The following NXN variants were observed in gnomAD, a reference collection of about 807,000 sequenced individuals.
The protein encoded by NXN is nucleoredoxin 1.
NXN carries 16 observed loss-of-function variants against 48.6 expected under a neutral mutation model. That is an observed-to-expected ratio of 0.33 (90% CI 0.22 to 0.50). The LOEUF is 0.50. NXN is among the 20% of genes least tolerant of loss of function. The pLI is 0.98. For missense variants in NXN, 492 were observed against 605.5 expected, an observed-to-expected ratio of 0.81 and a Z score of 1.97; for synonymous variants, 281 against 269.6, an observed-to-expected ratio of 1.04 and a Z score of -0.41.
intron 1 of NXN, among the ~76,000 whole-genome samples, chr17:859,019 C>A (rs527582701): frequency 4.1e-4 from 62 of 152,322 alleles, no homozygotes; most frequent in African/African-American, 1.5e-3. Context: ...CAAGGAGGAA[C>A]TGACAACATG....
At chr17:803,069 G>T (rs918951719) in intron 7 of NXN, among the ~76,000 whole-genome samples, 10 of 152,194 alleles carry the variant, frequency 6.6e-5, no homozygotes, top group African/African-American at 1.9e-4. Flanking sequence ...CAGGGTGCAG[G>T]GTTCCAGGCC....
At chr17:870,783 C>A (rs1047466984) in intron 1 of NXN, among the ~76,000 whole-genome samples, 9 of 151,696 alleles carry the variant, frequency 5.9e-5, no homozygotes, top group African/African-American at 2.2e-4. Context: ...ATCTTATCCA[C>A]CCCACCCAGT....
intron 1 of NXN, among the ~76,000 whole-genome samples, chr17:976,879 G>C (rs1386637932): frequency 6.6e-6 from 1 of 151,230 alleles, no homozygotes; most frequent in East Asian, 1.9e-4. Context: ...CGATTCTCCT[G>C]CCTCAGCCTC....
intron 1 of NXN, among the ~76,000 whole-genome samples, chr17:836,809 T>A (rs895400354): frequency 6.6e-6 from 1 of 152,120 alleles, no homozygotes; most frequent in Non-Finnish European, 1.5e-5. Context: ...TGCTTTAAGC[T>A]AAGGCGCTGA....
At chr17:953,833 A>T (rs566351420) in intron 1 of NXN, among the ~76,000 whole-genome samples, 1 of 152,232 alleles carries the variant, frequency 6.6e-6, no homozygotes, top group Non-Finnish European at 1.5e-5. Flanking sequence ...GCTACTCAGG[A>T]GGCTGGGGTG....
intron 1 of NXN, among the ~76,000 whole-genome samples, chr17:856,666 T>A (rs1432482423): frequency 6.6e-6 from 1 of 151,900 alleles, no homozygotes; most frequent in Non-Finnish European, 1.5e-5. Context: ...AATTTCCTAT[T>A]TTTAGTAGAG....
chr17:921,685 C>T (rs971325368), intron 1 of NXN, among the ~76,000 whole-genome samples: 7 of 148,436 alleles, frequency 4.7e-5, no homozygotes, highest in Non-Finnish European at 1.0e-4. Context: ...ATCCTCACTG[C>T]CCCTGGACAA....
intron 1 of NXN, among the ~76,000 whole-genome samples, chr17:939,982 G>A (rs777854243): frequency 2.0e-4 from 31 of 151,776 alleles, no homozygotes; most frequent in Non-Finnish European, 3.7e-4. Context: ...CATCCAGGCT[G>A]GAGTGCAGTG....
intron 1 of NXN, among the ~76,000 whole-genome samples, chr17:977,321 C>T (rs1244774953): frequency 1.3e-5 from 2 of 152,190 alleles, no homozygotes; most frequent in African/African-American, 2.4e-5. Context: ...GGTTTGGGCA[C>T]GTCCAGCACT....
intron 1 of NXN, among the ~76,000 whole-genome samples, chr17:906,070 T>G (rs1224943404): frequency 6.6e-6 from 1 of 152,076 alleles, no homozygotes; most frequent in African/African-American, 2.4e-5. Context: ...CATGTTGAAA[T>G]GTAATCAATA....
intron 1 of NXN, among the ~76,000 whole-genome samples, chr17:972,073 G>A (rs1250660399): frequency 6.6e-6 from 1 of 152,210 alleles, no homozygotes; most frequent in East Asian, 1.9e-4. Flanking sequence ...GGCCAAGGCA[G>A]GCGGACCACC....
intron 1 of NXN, among the ~76,000 whole-genome samples, chr17:967,762 G>A (rs1035608972): frequency 3.3e-5 from 5 of 152,182 alleles, no homozygotes; most frequent in Non-Finnish European, 7.3e-5. Flanking sequence ...ACGAGGTCAG[G>A]AGATCAAGAC....
intron 1 of NXN, among the ~76,000 whole-genome samples, chr17:939,890 C>A (rs80044118): frequency 6.6e-6 from 1 of 152,076 alleles, no homozygotes; most frequent in Non-Finnish European, 1.5e-5. Context: ...AACACTGTGG[C>A]GGGCCCTGCA....
At chr17:961,710 A>G (rs1046596833) in intron 1 of NXN, among the ~76,000 whole-genome samples, 6 of 152,234 alleles carry the variant, frequency 3.9e-5, no homozygotes, top group Admixed American at 6.5e-5. Flanking sequence ...TTTGCCTTTC[A>G]TAATTTCTAC....
chr17:845,609 G>C (rs968659164), intron 1 of NXN, among the ~76,000 whole-genome samples: 4 of 152,256 alleles, frequency 2.6e-5, no homozygotes, highest in African/African-American at 9.6e-5. Flanking sequence ...ACACGTGAGA[G>C]ATACTCAATA....
chr17:869,178 T>C (rs1362799125), intron 1 of NXN, among the ~76,000 whole-genome samples: 1 of 152,144 alleles, frequency 6.6e-6, no homozygotes, highest in Non-Finnish European at 1.5e-5. Flanking sequence ...TGCCTCCTGT[T>C]TGTTAACTTC....
intron 1 of NXN, among the ~76,000 whole-genome samples, chr17:915,318 G>C (rs910049354): frequency 1.3e-5 from 2 of 151,912 alleles, no homozygotes; most frequent in African/African-American, 4.8e-5. Flanking sequence ...TTCTGAGATA[G>C]AGTCTCACTC....
At chr17:905,908 C>T (rs2068577329) in intron 1 of NXN, among the ~76,000 whole-genome samples, 1 of 149,752 alleles carries the variant, frequency 6.7e-6, no homozygotes, top group Admixed American at 6.7e-5. Context: ...GCCCAGGAGG[C>T]AGAGGTCGCA....
intron 5 of NXN, among the ~76,000 whole-genome samples, chr17:814,316 GGT>G (rs1912347569): frequency 1.3e-5 from 2 of 152,044 alleles, no homozygotes; most frequent in Non-Finnish European, 2.9e-5. Context: ...ATTAGTTTCA[GGT>G]GACCCCCTGG....
Sources: gnomAD v4.1 joint callset for allele counts (sites outside exome capture counted in the v4.1 genomes callset) on GRCh38, gnomAD v4.1.1 for gene constraint, MANE v1.5 for transcripts, NCBI Gene and HGNC (gene_info 2026-07-23, HGNC 2026-07-21) for gene names.